Variants in LITAF observed in about 807,000 individuals in gnomAD.
LITAF encodes the protein lipopolysaccharide induced TNF factor, also known as lipopolysaccharide-induced tumor necrosis factor-alpha factor.
Under a neutral mutation model 14.5 loss-of-function variants are expected in LITAF, and 9 were observed. The observed-to-expected ratio is 0.62, with a 90% CI of 0.37 to 1.08. LITAF has a LOEUF of 1.08. Ranked by LOEUF, LITAF falls within the 50% of genes least tolerant of loss-of-function variation. The probability of loss-of-function intolerance (pLI) is 0.01; values close to 1 mark genes in which losing one functional copy is unlikely to be tolerated. For missense variants in LITAF, 206 were observed against 213.4 expected (o/e 0.97, Z 0.22); for synonymous variants, 98 against 88.2 (o/e 1.11, Z -0.62).
At chr16:11,594,185 C>T (rs1314593648) in intron 1 of LITAF, among the ~76,000 whole-genome samples, 2 of 114,018 alleles carry the variant, frequency 1.8e-5, no homozygotes, top group Admixed American at 1.7e-4. Context: ...GACCCTGTCT[C>T]GAAAAAAAAA....
At chr16:11,563,361 G>A (rs1292681021) in intron 1 of LITAF, among the ~76,000 whole-genome samples, 1 of 152,066 alleles carries the variant, frequency 6.6e-6, no homozygotes, top group Admixed American at 6.6e-5. Flanking sequence ...TGTTGGCCAG[G>A]CTGGTCTCAA....
At chr16:11,577,316 A>AT (rs71136668) in intron 1 of LITAF, among the ~76,000 whole-genome samples, 52,935 of 127,878 alleles carry the variant, frequency 0.41, 12,411 homozygotes, top group East Asian at 0.73. Flanking sequence ...AGAAGTGTCT[A>AT]TTTTTTTTTT....
intron 3 of LITAF, among the ~76,000 whole-genome samples, chr16:11,612,526 G>C (rs1597371193): frequency 1.3e-5 from 2 of 152,344 alleles, no homozygotes; most frequent in African/African-American, 2.4e-5. Flanking sequence ...TGCGGTTAGA[G>C]CAAACTGCAC....
chr16:11,562,270 T>C (rs532113882), intron 1 of LITAF, among the ~76,000 whole-genome samples: 113 of 132,416 alleles, frequency 8.5e-4, no homozygotes, highest in Admixed American at 3.4e-3. Context: ...GCCGAGATCG[T>C]GTCACTGCAC....
chr16:11,606,308 A>G (rs187536997), intron 3 of LITAF, among the ~76,000 whole-genome samples: 2 of 152,096 alleles, frequency 1.3e-5, no homozygotes, highest in African/African-American at 4.8e-5. Context: ...AGCTGGGACT[A>G]CAGGCACGCA....
At position 11,553,685 on chromosome 16, in the gene LITAF, G is replaced by T. The variant is rs373639052; in HGVS notation, c.225C>A (p.Thr75=). The T allele has an allele frequency of 6.2e-7, 1 of 1,614,080 alleles. No homozygotes were observed. The highest frequency in any genetic ancestry group is 2.2e-5 in the East Asian group (1 of 44,884). The change falls in exon 3 of 4, where the codon ACC becomes ACA. Residue 75 remains threonine (T), a synonymous_variant. Transcript: ENST00000622633. This position sits in a 1 kb window ranked among gnomAD's most constrained non-coding sequence, Gnocchi z 7.7. ...PAPIPNNNPI[T]VQTVYVQHPI... The stretch of plus-strand genomic sequence containing the variant: ...GGTGCTGCACGTAGACCGTCTGCAC[G>T]GTAACTGATGAAAGGGAGAGGGACA...
intron 1 of LITAF, among the ~76,000 whole-genome samples, chr16:11,581,899 A>G (rs1567251975): frequency 6.6e-6 from 1 of 152,134 alleles, no homozygotes; most frequent in Non-Finnish European, 1.5e-5. Flanking sequence ...AGCTCACAGA[A>G]GTAGAGAAAA....
intron 1 of LITAF, among the ~76,000 whole-genome samples, chr16:11,576,955 C>G (rs2141817714): frequency 6.6e-6 from 1 of 152,338 alleles, no homozygotes; most frequent in Middle Eastern, 3.4e-3. Flanking sequence ...TTTAGCAAGA[C>G]TTACGGATAA....
chr16:11,567,277 A>C (rs1380516642), intron 1 of LITAF, among the ~76,000 whole-genome samples: 1 of 152,044 alleles, frequency 6.6e-6, no homozygotes, highest in Non-Finnish European at 1.5e-5. Flanking sequence ...AAAATTAGCC[A>C]GGCGTGGTGG....
upstream of LITAF, chr16:11,587,453 T>C (rs1034289047): frequency 2.4e-5 from 11 of 453,946 alleles, no homozygotes; most frequent in Non-Finnish European, 4.0e-5. Flanking sequence ...CCTTCGGGCA[T>C]GTTACCCATC....
intron 1 of LITAF, among the ~76,000 whole-genome samples, chr16:11,574,097 A>G (rs1419376921): frequency 6.6e-6 from 1 of 151,770 alleles, no homozygotes; most frequent in Non-Finnish European, 1.5e-5. Flanking sequence ...GCTGGAGTGC[A>G]GTGGCATGAT....
chr16:11,578,088 G>A (rs1026900681), intron 1 of LITAF, among the ~76,000 whole-genome samples: 2 of 152,112 alleles, frequency 1.3e-5, no homozygotes, highest in South Asian at 2.1e-4. Flanking sequence ...CATAGAGATG[G>A]GGGTCTCAAT....
intron 1 of LITAF, among the ~76,000 whole-genome samples, chr16:11,577,225 T>C (rs562916023): frequency 3.0e-4 from 45 of 152,160 alleles, no homozygotes; most frequent in African/African-American, 1.1e-3. Flanking sequence ...GCATCTGACA[T>C]CCTTGCACAG....
chr16:11,627,581 C>T lies in LITAF; in HGVS notation c.85+5952G>A, dbSNP rs540599519. On this transcript the variant is annotated intron_variant, in intron 3 of 3. Transcript: ENST00000574848. ...TACAAGGCCTGGGAGTGGCGGCTCA[C>T]GCCTGTAATCCCAGCATTTTGGAAG... Among the ~76,000 whole-genome samples, 3 of 152,372 alleles carry T rather than the reference C, an allele frequency of 2.0e-5. No homozygotes were observed. In the South Asian group the frequency reaches 6.2e-4, roughly 32 times the overall value.
chr16:11,620,230 G>C (rs979574209), intron 3 of LITAF, among the ~76,000 whole-genome samples: 2 of 152,078 alleles, frequency 1.3e-5, no homozygotes, highest in African/African-American at 4.8e-5. Flanking sequence ...GTTGGAGGTG[G>C]GGCCTGGTGG....
chr16:11,572,535 G>A (rs1057122481), intron 1 of LITAF, among the ~76,000 whole-genome samples: 8 of 151,762 alleles, frequency 5.3e-5, no homozygotes, highest in Admixed American at 4.6e-4. Flanking sequence ...ATCACACACC[G>A]GCTGACTGAC....
chr16:11,618,178 A>C (rs955771972), intron 3 of LITAF, among the ~76,000 whole-genome samples: 2 of 152,022 alleles, frequency 1.3e-5, no homozygotes, highest in African/African-American at 4.8e-5. Context: ...TAACCCATTT[A>C]TTTATTCTGT....
Position 11,549,136 on chromosome 16 carries a change from G to A in LITAF, c.*501C>T, listed in dbSNP as rs759612818. 14 of 453,988 alleles carry A rather than the reference G, an allele frequency of 3.1e-5. No individual in the cohort carries two copies. The highest frequency in any genetic ancestry group is 5.7e-5 in the Non-Finnish European group (13 of 226,802). 28.1% of individuals were successfully genotyped at this position (453,988 alleles called of 1,614,324 possible). On this transcript the variant is annotated 3_prime_UTR_variant, in exon 4 of 4. Transcript: ENST00000622633. The surrounding 1 kb of genome is among the most constrained non-coding windows in gnomAD (Gnocchi z 4.6). ...AGAATCTCAAAGCCAAGCCTGTAAA[G>A]TCTGTAAGGCAAGATCTTTGTCATC...
intron 3 of LITAF, among the ~76,000 whole-genome samples, chr16:11,631,714 T>C (rs1407769400): frequency 6.6e-6 from 1 of 151,596 alleles, no homozygotes; most frequent in Non-Finnish European, 1.5e-5. Context: ...TTCTCTCCGG[T>C]GTCTGTGGCT....
Sources: gnomAD v4.1 joint callset for allele counts (sites outside exome capture counted in the v4.1 genomes callset) on GRCh38, gnomAD v4.1.1 for gene constraint, Gnocchi (gnomAD v3.1) non-coding constraint, MANE v1.5 for transcripts, NCBI Gene and HGNC (gene_info 2026-07-23, HGNC 2026-07-21) for gene names.